Variants in PPP2R2C observed in about 807,000 individuals in gnomAD.
PPP2R2C encodes the protein protein phosphatase 2, regulatory subunit B, gamma.
PPP2R2C carries 10 observed loss-of-function variants against 45.3 expected under a neutral mutation model. That is an observed-to-expected ratio of 0.22 (90% CI 0.14 to 0.37). The LOEUF (loss-of-function observed/expected upper bound fraction) is 0.37. PPP2R2C is among the 10% of genes least tolerant of loss of function. PPP2R2C has a pLI of 1.00. For missense variants in PPP2R2C, 308 were observed against 619.7 expected (o/e 0.50, Z 5.34); for synonymous variants, 257 against 245.4 (o/e 1.05, Z -0.44).
At chr4:6,325,209 G>A (rs1252793490) in intron 8 of PPP2R2C, among the ~76,000 whole-genome samples, 1 of 152,188 alleles carries the variant, frequency 6.6e-6, no homozygotes, top group East Asian at 1.9e-4. Flanking sequence ...ACAAGGGAAC[G>A]CAGCCCCTGG....
intron 1 of PPP2R2C, among the ~76,000 whole-genome samples, chr4:6,451,866 G>A (rs1247599773): frequency 6.6e-6 from 1 of 152,120 alleles, no homozygotes; most frequent in Non-Finnish European, 1.5e-5. Context: ...GCAGAGCCAG[G>A]CAGATGGAGG....
At chr4:6,464,960 T>C (rs934616976) in intron 1 of PPP2R2C, among the ~76,000 whole-genome samples, 4 of 151,824 alleles carry the variant, frequency 2.6e-5, no homozygotes, top group African/African-American at 7.3e-5. Flanking sequence ...TATCCAGCCA[T>C]AAGGAAATGA....
At chr4:6,347,667 G>A (rs1283752895) in intron 6 of PPP2R2C, among the ~76,000 whole-genome samples, 179 bp downstream of exon 6, 1 of 152,126 alleles carries the variant, frequency 6.6e-6, no homozygotes, top group Non-Finnish European at 1.5e-5. Flanking sequence ...GCAGCAGGTG[G>A]CAAGACCAGG....
chr4:6,554,859 C>CA (rs1176130638), intron 1 of PPP2R2C, among the ~76,000 whole-genome samples: 1,054 of 30,112 alleles, frequency 0.035, 10 homozygotes, highest in African/African-American at 0.094. Flanking sequence ...GACTCCATCT[C>CA]AAAAAAAAAA....
intron 1 of PPP2R2C, chr4:6,413,789 A>T (rs1718362382): frequency 1.5e-6 from 2 of 1,349,660 alleles, no homozygotes. Flanking sequence ...AGAAGTGGAG[A>T]CTGGCCAAAG....
intron 1 of PPP2R2C, among the ~76,000 whole-genome samples, chr4:6,540,235 C>A (rs74379723): frequency 0.019 from 2,911 of 152,282 alleles, 72 homozygotes; most frequent in African/African-American, 0.065. Context: ...AAGCCCCTAG[C>A]CCCTGGTAAC....
chr4:6,469,719 T>G (rs575313748), intron 1 of PPP2R2C, among the ~76,000 whole-genome samples: 1 of 152,208 alleles, frequency 6.6e-6, no homozygotes. Context: ...TTTAACATGA[T>G]TCAAGTCTGA....
chr4:6,403,078 T>C (rs1456475891), intron 1 of PPP2R2C, among the ~76,000 whole-genome samples: 1 of 152,250 alleles, frequency 6.6e-6, no homozygotes, highest in African/African-American at 2.4e-5. Context: ...AAGGGGCCAC[T>C]TTGGGCTAAT....
chr4:6,343,029 TTGGATACA>T (rs1733573597), intron 6 of PPP2R2C, among the ~76,000 whole-genome samples: 1 of 152,222 alleles, frequency 6.6e-6, no homozygotes, highest in Non-Finnish European at 1.5e-5. Context: ...TGAGCAGTAA[TTGGATACA>T]TGGATGGAAG....
chr4:6,381,811 G>A, intron 1 of PPP2R2C: 1 of 1,613,934 alleles, frequency 6.2e-7, no homozygotes, highest in Middle Eastern at 1.7e-4. Flanking sequence ...GGCCTTCCTG[G>A]ATGGGCAAGT....
At chr4:6,549,514 C>T (rs1057514542) in intron 1 of PPP2R2C, among the ~76,000 whole-genome samples, 1 of 152,220 alleles carries the variant, frequency 6.6e-6, no homozygotes, top group Non-Finnish European at 1.5e-5. Context: ...GAGTGAAATG[C>T]CCCTCACCTG....
At chr4:6,382,876 G>T in intron 1 of PPP2R2C, 2 of 1,106,668 alleles carry the variant, frequency 1.8e-6, no homozygotes, top group Non-Finnish European at 2.2e-6. Context: ...GACTGATCCT[G>T]GCACTCCCCT....
intron 1 of PPP2R2C, among the ~76,000 whole-genome samples, chr4:6,539,891 G>C (rs1404219046): frequency 6.6e-6 from 1 of 152,040 alleles, no homozygotes; most frequent in Non-Finnish European, 1.5e-5. Flanking sequence ...AGAGGGGTCT[G>C]GGTCCTAACC....
At chr4:6,387,146 G>A (rs1392148669) in intron 1 of PPP2R2C, among the ~76,000 whole-genome samples, 1 of 152,160 alleles carries the variant, frequency 6.6e-6, no homozygotes, top group African/African-American at 2.4e-5. Flanking sequence ...TGGAGTTGTA[G>A]AGGGAGGGGA....
At chr4:6,541,354 G>A (rs1032878950) in intron 1 of PPP2R2C, among the ~76,000 whole-genome samples, 7 of 151,994 alleles carry the variant, frequency 4.6e-5, no homozygotes, top group Non-Finnish European at 8.8e-5. Flanking sequence ...GCAGCATTTG[G>A]GAGTTACTAG....
chr4:6,333,208 T>G (rs1208269732), intron 7 of PPP2R2C, among the ~76,000 whole-genome samples: 1 of 152,168 alleles, frequency 6.6e-6, no homozygotes, highest in African/African-American at 2.4e-5. Flanking sequence ...ACAGCTCCGA[T>G]GCAGGCTCCC....
At chr4:6,420,895 GT>G in intron 1 of PPP2R2C, 1 of 966,072 alleles carries the variant, frequency 1.0e-6, no homozygotes, top group South Asian at 4.8e-5. Flanking sequence ...ATGGGATGTG[GT>G]AGATGATGTC....
intron 1 of PPP2R2C, among the ~76,000 whole-genome samples, chr4:6,423,790 T>G (rs1577171722): frequency 6.6e-6 from 1 of 151,200 alleles, no homozygotes; most frequent in East Asian, 1.9e-4. Context: ...ATCAGGGAGG[T>G]AGTGGTATGA....
At chr4:6,463,789 T>A (rs770719511) in intron 1 of PPP2R2C, among the ~76,000 whole-genome samples, 22 of 152,174 alleles carry the variant, frequency 1.4e-4, no homozygotes, top group Non-Finnish European at 2.9e-4. Flanking sequence ...GGACCACGTG[T>A]CCAATTGTGG....
Sources: allele counts gnomAD v4.1 joint callset (sites outside exome capture counted in the v4.1 genomes callset), GRCh38; gene constraint gnomAD v4.1.1; transcripts MANE v1.5; gene names NCBI Gene and HGNC (gene_info 2026-07-23, HGNC 2026-07-21).